The following AFF2 variants were observed in gnomAD, a reference collection of about 807,000 sequenced individuals.
AFF2 encodes the protein ALF transcription elongation factor 2.
AFF2 carries 14 observed loss-of-function variants against 76.9 expected under a neutral mutation model. That is an observed-to-expected ratio of 0.18 (90% CI 0.12 to 0.28). The LOEUF is 0.28. AFF2 is among the 10% of genes least tolerant of loss of function. The pLI, the probability that AFF2 is intolerant of heterozygous loss-of-function variation, is 1.00. For synonymous variants in AFF2, 398 were observed against 366.7 expected (o/e 1.09, Z -0.98); for missense variants, 868 against 1,001.1 (o/e 0.87, Z 1.79).
At chrX:148,756,338 G>A (rs782434231) in intron 3 of AFF2, among the ~76,000 whole-genome samples, 3 of 112,395 alleles carry the variant, frequency 2.7e-5, no homozygotes, top group Non-Finnish European at 5.6e-5. Flanking sequence ...AATTAATACA[G>A]TGAGCTTCTC....
intron 15 of AFF2, among the ~76,000 whole-genome samples, chrX:148,969,441 G>A (rs1437534172): frequency 8.9e-6 from 1 of 111,926 alleles, no homozygotes; most frequent in Admixed American, 9.4e-5. Flanking sequence ...TTGGTTCCAG[G>A]ACCCCCTCGG....
At chrX:148,906,862 C>T (rs1326192228) in intron 9 of AFF2, among the ~76,000 whole-genome samples, 3 of 111,823 alleles carry the variant, frequency 2.7e-5, no homozygotes, top group Non-Finnish European at 5.6e-5. Flanking sequence ...CCTGATCCAG[C>T]GAGGCACCCA....
chrX:148,929,176 G>C (rs2071685431), intron 9 of AFF2, among the ~76,000 whole-genome samples: 1 of 112,360 alleles, frequency 8.9e-6, no homozygotes, highest in Non-Finnish European at 1.9e-5. Context: ...AAACTAATTA[G>C]ATTACAATTG....
chrX:148,744,307 T>C (rs2055396023), intron 3 of AFF2, among the ~76,000 whole-genome samples: 1 of 110,486 alleles, frequency 9.1e-6, no homozygotes, highest in Non-Finnish European at 1.9e-5. Context: ...CCAAGTGTCC[T>C]TGTCTATTTT....
intron 1 of AFF2, among the ~76,000 whole-genome samples, chrX:148,608,734 G>A (rs782242101): frequency 3.5e-4 from 39 of 110,406 alleles, no homozygotes; most frequent in Non-Finnish European, 6.1e-4. Context: ...ACCTGGGCTA[G>A]GTGAAATATT....
chrX:148,946,661 A>G (rs1483674834), intron 9 of AFF2, among the ~76,000 whole-genome samples: 1 of 112,532 alleles, frequency 8.9e-6, no homozygotes, highest in Non-Finnish European at 1.9e-5. Context: ...GTTATAGGAC[A>G]GAACTCTCCA....
intron 8 of AFF2, among the ~76,000 whole-genome samples, chrX:148,889,193 C>T (rs781966458): frequency 3.0e-4 from 33 of 111,188 alleles, no homozygotes; most frequent in Non-Finnish European, 5.8e-4. Context: ...GAAAATGAAA[C>T]ACAGGATCAA....
chrX:148,695,552 T>C (rs978505647), intron 3 of AFF2, among the ~76,000 whole-genome samples: 3 of 112,294 alleles, frequency 2.7e-5, no homozygotes, highest in Non-Finnish European at 1.9e-5. Flanking sequence ...TGGCATTCAT[T>C]AACGAAAGTC....
chrX:148,681,678 GGAAA>G (rs1347810344), intron 3 of AFF2, among the ~76,000 whole-genome samples: 2 of 102,631 alleles, frequency 1.9e-5, no homozygotes, highest in Non-Finnish European at 4.0e-5. Context: ...AAGAAAGAAA[GGAAA>G]GAAAGAAAAA....
At chrX:148,503,149 T>C (rs2052372019) in intron 1 of AFF2, among the ~76,000 whole-genome samples, 1 of 112,548 alleles carries the variant, frequency 8.9e-6, no homozygotes, top group Non-Finnish European at 1.9e-5. Context: ...AATTTCTCCT[T>C]CTTACTGCTC....
intron 1 of AFF2, among the ~76,000 whole-genome samples, chrX:148,634,436 C>T (rs1351545359): frequency 1.8e-5 from 2 of 111,613 alleles, no homozygotes; most frequent in African/African-American, 3.3e-5. Context: ...CTAGGGAAAT[C>T]GAGCATCTAG....
At chrX:148,950,223 C>G (rs185190241) in intron 9 of AFF2, among the ~76,000 whole-genome samples, 2 of 111,817 alleles carry the variant, frequency 1.8e-5, no homozygotes, top group South Asian at 7.6e-4. Flanking sequence ...GGGAGCAGTC[C>G]CAACCGGGCG....
chrX:148,692,732 G>A (rs1475072691), intron 3 of AFF2, among the ~76,000 whole-genome samples: 1 of 111,486 alleles, frequency 9.0e-6, no homozygotes, highest in African/African-American at 3.3e-5. Flanking sequence ...TGTGTGCAGA[G>A]ACAAAGGATG....
Position 148,962,704 on chromosome X carries a change from GT to G in AFF2, c.2691-6del, listed in dbSNP as rs1557288172. 2 of 1,187,855 alleles carry G rather than the reference GT, an allele frequency of 1.7e-6. No individual in the cohort carries two copies. Among genetic ancestry groups the G allele is most frequent in the Non-Finnish European group, 2.3e-6 (2 of 874,886 alleles). ...GACTTTATGACACCCTACACTTCTT[GT>G]TTTTCACAGAAATAATTCATCCAGG... On this transcript the variant is annotated splice_polypyrimidine_tract_variant and intron_variant, in intron 12 of 20. Transcript: ENST00000370460.
chrX:148,847,147 A>G (rs1195365615), intron 7 of AFF2, among the ~76,000 whole-genome samples: 2 of 112,197 alleles, frequency 1.8e-5, no homozygotes, highest in Non-Finnish European at 3.8e-5. Flanking sequence ...AGTTGGATTG[A>G]TTCATCTAGT....
chrX:148,871,635 A>T (rs1380411554), intron 7 of AFF2, among the ~76,000 whole-genome samples: 13 of 111,590 alleles, frequency 1.2e-4, no homozygotes, highest in Non-Finnish European at 1.9e-4. Context: ...TTTATTGCGA[A>T]TGGGGGCAGG....
intron 13 of AFF2, among the ~76,000 whole-genome samples, chrX:148,964,079 G>T (rs1210378613): frequency 4.5e-5 from 5 of 111,980 alleles, no homozygotes; most frequent in Non-Finnish European, 9.4e-5. Flanking sequence ...TATCTTTAAA[G>T]TGACCCTGTT....
chrX:148,691,454 A>G (rs1249785089), intron 3 of AFF2, among the ~76,000 whole-genome samples: 1 of 112,196 alleles, frequency 8.9e-6, no homozygotes, highest in Non-Finnish European at 1.9e-5. Context: ...GCGGAGACAC[A>G]TGATTACAAT....
intron 3 of AFF2, among the ~76,000 whole-genome samples, chrX:148,684,042 T>C (rs2054575808): frequency 2.7e-5 from 3 of 111,904 alleles, no homozygotes; most frequent in Non-Finnish European, 3.8e-5. Context: ...TGAGACACCC[T>C]GTGCAAACAT....
Sources: allele counts gnomAD v4.1 joint callset (sites outside exome capture counted in the v4.1 genomes callset), GRCh38; gene constraint gnomAD v4.1.1; transcripts MANE v1.5; gene names NCBI Gene and HGNC (gene_info 2026-07-23, HGNC 2026-07-21).